INPP4B: variants seen among roughly 807,000 people sequenced by gnomAD.
INPP4B encodes inositol polyphosphate-4-phosphatase type II B.
A neutral mutation model predicts 122.5 loss-of-function variants in INPP4B; 55 were observed. The ratio of observed to expected loss-of-function variants is 0.45; its 90% confidence interval spans 0.36 to 0.56. The LOEUF (loss-of-function observed/expected upper bound fraction) is 0.56, where lower values mean the gene tolerates loss of function less well. INPP4B is among the 20% of genes least tolerant of loss of function. INPP4B has a pLI of 0.00. For synonymous variants in INPP4B, 403 were observed against 388.7 expected (o/e 1.04, Z -0.43); for missense variants, 1,000 against 1,097.7 (o/e 0.91, Z 1.26).
intron 12 of INPP4B, among the ~76,000 whole-genome samples, chr4:142,216,187 A>G (rs1847174604): frequency 6.6e-6 from 1 of 152,114 alleles, no homozygotes; most frequent in Admixed American, 6.6e-5. Flanking sequence ...CCCCTTGCTA[A>G]ACACATACAA....
At chr4:142,112,223 A>G (rs1466383116) in intron 22 of INPP4B, among the ~76,000 whole-genome samples, 1 of 152,182 alleles carries the variant, frequency 6.6e-6, no homozygotes, top group Non-Finnish European at 1.5e-5. Context: ...CAATATTGAG[A>G]TATGTATAAA....
intron 2 of INPP4B, among the ~76,000 whole-genome samples, chr4:142,582,181 T>A (rs963577264): frequency 2.3e-5 from 3 of 132,738 alleles, no homozygotes; most frequent in Non-Finnish European, 5.0e-5. Context: ...GAAAACATAA[T>A]CATCTAATGG....
chr4:142,515,346 G>A (rs1825288593), intron 2 of INPP4B, among the ~76,000 whole-genome samples: 1 of 152,068 alleles, frequency 6.6e-6, no homozygotes, highest in Admixed American at 6.6e-5. Context: ...AGTTTCCAAT[G>A]CAATCATGGT....
At chr4:142,263,792 G>A (rs1741441474) in intron 10 of INPP4B, among the ~76,000 whole-genome samples, 1 of 150,904 alleles carries the variant, frequency 6.6e-6, no homozygotes, top group Non-Finnish European at 1.5e-5. Flanking sequence ...GCTTCAGTGA[G>A]GAGGTGACAT....
chr4:142,113,063 A>AC (rs1791051825), intron 21 of INPP4B, among the ~76,000 whole-genome samples: 1 of 152,130 alleles, frequency 6.6e-6, no homozygotes, highest in Non-Finnish European at 1.5e-5. Flanking sequence ...CAGTGAAGCT[A>AC]AATAAACCAA....
At chr4:142,565,524 C>T (rs1284732853) in intron 2 of INPP4B, among the ~76,000 whole-genome samples, 2 of 152,112 alleles carry the variant, frequency 1.3e-5, no homozygotes, top group East Asian at 3.9e-4. Flanking sequence ...CTTTTCCTTA[C>T]TATAAAACTA....
chr4:142,691,874 G>C (rs548149941), intron 2 of INPP4B, among the ~76,000 whole-genome samples: 2 of 152,118 alleles, frequency 1.3e-5, no homozygotes, highest in African/African-American at 4.8e-5. Flanking sequence ...GTTCAGGCAG[G>C]TTCTTCACTT....
chr4:142,661,966 G>A (rs1052659777), intron 2 of INPP4B, among the ~76,000 whole-genome samples: 2 of 152,020 alleles, frequency 1.3e-5, no homozygotes, highest in African/African-American at 4.8e-5. Flanking sequence ...GGGCACGGTG[G>A]CTCACGCCTG....
At chr4:142,062,930 G>T (rs1578769962) in intron 25 of INPP4B, among the ~76,000 whole-genome samples, 1 of 152,098 alleles carries the variant, frequency 6.6e-6, no homozygotes, top group Non-Finnish European at 1.5e-5. Flanking sequence ...CAAAAGAAAT[G>T]GGGAAATATG....
intron 22 of INPP4B, among the ~76,000 whole-genome samples, chr4:142,109,244 GTC>G (rs1788785745): frequency 6.6e-6 from 1 of 151,380 alleles, no homozygotes; most frequent in Non-Finnish European, 1.5e-5. Context: ...TATGCCCCTA[GTC>G]TCTTTCACTT....
At chr4:142,750,106 A>C (rs1396790228) in intron 1 of INPP4B, among the ~76,000 whole-genome samples, 1 of 152,092 alleles carries the variant, frequency 6.6e-6, no homozygotes, top group Non-Finnish European at 1.5e-5. Context: ...GATGAAGCAC[A>C]ATCATTAGAC....
chr4:142,685,768 T>A (rs377302370), intron 2 of INPP4B, among the ~76,000 whole-genome samples: 38 of 152,138 alleles, frequency 2.5e-4, no homozygotes, highest in African/African-American at 8.4e-4. Flanking sequence ...TCAAAAAAAA[T>A]TATTATTAAA....
chr4:142,119,638 G>A (rs893832450), intron 21 of INPP4B, among the ~76,000 whole-genome samples: 3 of 149,148 alleles, frequency 2.0e-5, no homozygotes, highest in African/African-American at 7.4e-5. Context: ...ATACATTGGA[G>A]TCTGTCGTGG....
intron 1 of INPP4B, among the ~76,000 whole-genome samples, chr4:142,822,022 T>G (rs1485194231): frequency 6.6e-6 from 1 of 152,152 alleles, no homozygotes; most frequent in Non-Finnish European, 1.5e-5. Context: ...CATTCCCACA[T>G]ATGGAAGAAG....
At chr4:142,209,168 AT>A (rs1384790688) in intron 12 of INPP4B, 142 bp from the exon 13 acceptor site, 1 of 487,790 alleles carries the variant, frequency 2.1e-6, no homozygotes, top group African/African-American at 2.0e-5. Context: ...TAGCTTAAAT[AT>A]TTTTTAAAAA....
intron 7 of INPP4B, among the ~76,000 whole-genome samples, chr4:142,338,385 G>A (rs555262221): frequency 4.0e-5 from 6 of 151,866 alleles, no homozygotes; most frequent in Admixed American, 1.3e-4. Context: ...ACAGGCGCCC[G>A]CCACCACACT....
intron 2 of INPP4B, among the ~76,000 whole-genome samples, chr4:142,552,366 A>G (rs1448524945): frequency 6.6e-6 from 1 of 152,014 alleles, no homozygotes; most frequent in African/African-American, 2.4e-5. Context: ...CATAATATAG[A>G]ACCTTGAAGT....
intron 1 of INPP4B, among the ~76,000 whole-genome samples, chr4:142,776,371 G>C (rs955681931): frequency 6.6e-6 from 1 of 152,134 alleles, no homozygotes; most frequent in African/African-American, 2.4e-5. Context: ...AAAGGGGCCA[G>C]AGATTTTGCA....
intron 2 of INPP4B, among the ~76,000 whole-genome samples, chr4:142,655,357 GAGTC>G (rs1753925524): frequency 6.6e-6 from 1 of 152,076 alleles, no homozygotes; most frequent in Non-Finnish European, 1.5e-5. Context: ...CATCTTCAGT[GAGTC>G]CTCTTTGTGT....
Sources: gnomAD v4.1 joint callset for allele counts (sites outside exome capture counted in the v4.1 genomes callset) on GRCh38, gnomAD v4.1.1 for gene constraint, MANE v1.5 for transcripts, NCBI Gene and HGNC (gene_info 2026-07-23, HGNC 2026-07-21) for gene names.